The following UHRF1 variants were observed in gnomAD, a reference collection of about 807,000 sequenced individuals.
UHRF1 encodes ubiquitin like with PHD and ring finger domains 1, also known as E3 ubiquitin-protein ligase UHRF1.
UHRF1 carries 9 observed loss-of-function variants against 96.5 expected under a neutral mutation model. The observed-to-expected ratio is 0.09, with a 90% CI of 0.06 to 0.16. The LOEUF (loss-of-function observed/expected upper bound fraction) is 0.16. UHRF1 is among the 10% of genes least tolerant of loss of function. The pLI is 1.00. For missense variants in UHRF1, 626 were observed against 1,131.1 expected (o/e 0.55, Z 6.40); for synonymous variants, 455 against 469.9 (o/e 0.97, Z 0.41).
chr19:4,932,608 C>T (rs1002277798), intron 4 of UHRF1, 133 bp from the exon 5 acceptor site: 110 of 917,656 alleles, frequency 1.2e-4, no homozygotes, highest in South Asian at 2.6e-4. Context: ...GTGTTCTCAA[C>T]ACCAGCATAT....
At chr19:4,949,934 A>G (rs2033672364) in intron 11 of UHRF1, among the ~76,000 whole-genome samples, 1 of 151,210 alleles carries the variant, frequency 6.6e-6, no homozygotes, top group Non-Finnish European at 1.5e-5. Context: ...CAGCAGTGTG[A>G]TCGTAGCTCA....
At chr19:4,944,933 C>T (rs1411849788) in intron 9 of UHRF1, among the ~76,000 whole-genome samples, 3 of 152,180 alleles carry the variant, frequency 2.0e-5, no homozygotes, top group African/African-American at 4.8e-5. Context: ...ATCTCTGGCC[C>T]CCACCCACTC....
intron 2 of UHRF1, among the ~76,000 whole-genome samples, chr19:4,922,666 G>A (rs1194952871): frequency 2.0e-5 from 3 of 152,208 alleles, no homozygotes; most frequent in African/African-American, 4.8e-5. Flanking sequence ...TTCGCGCTTC[G>A]GGTTGTGCAA....
At chr19:4,927,196 A>G (rs958756883) in intron 2 of UHRF1, among the ~76,000 whole-genome samples, 1 of 152,144 alleles carries the variant, frequency 6.6e-6, no homozygotes, top group Non-Finnish European at 1.5e-5. Flanking sequence ...CCTGGCCAAC[A>G]TGGCGAGACC....
At chr19:4,903,137 C>G in exon 1 of UHRF1, 1 of 334,654 alleles carries the variant, frequency 3.0e-6, no homozygotes, top group East Asian at 6.3e-5. Context: ...AGCAATTCTC[C>G]TGCCTCAGCC....
intron 2 of UHRF1, among the ~76,000 whole-genome samples, chr19:4,926,286 G>A (rs1449136690): frequency 1.3e-5 from 2 of 152,182 alleles, no homozygotes; most frequent in Admixed American, 1.3e-4. Context: ...ACAGGTTGAC[G>A]TGCCTCTTCC....
At chr19:4,918,743 C>G (rs2032607778) in intron 2 of UHRF1, among the ~76,000 whole-genome samples, 2 of 117,986 alleles carry the variant, frequency 1.7e-5, no homozygotes, top group Admixed American at 9.7e-5. Context: ...TTTTTTTAGA[C>G]AGGCTCTTGC....
At chr19:4,914,469 G>C (rs139648292) in intron 2 of UHRF1, among the ~76,000 whole-genome samples, 53 of 152,204 alleles carry the variant, frequency 3.5e-4, no homozygotes, top group Non-Finnish European at 3.5e-4. Context: ...GGAGACCCCA[G>C]AGCAGAACAG....
rs553819013 is a variant in UHRF1, at chr19:4,941,940, G to T, written c.1073+9G>T. 7 of 1,488,584 alleles carry T rather than the reference G, an allele frequency of 4.7e-6. No homozygotes were observed. The South Asian group carries it at 9.7e-5, about 21-fold the overall frequency. 92.2% of individuals were successfully genotyped at this position (1,488,584 alleles called of 1,614,324 possible). A position where few individuals can be genotyped will look rare whatever the true frequency, so the allele number is the denominator to read the frequency against. On this transcript the variant is annotated intron_variant, in intron 7 of 16. Coordinates refer to ENST00000650932, the MANE Select transcript of UHRF1 (RefSeq NM_001048201.3). The stretch of plus-strand genomic sequence containing the variant: ...CCCAGCGAGGACGAGTGGTGAGTGC[G>T]GCCCTGCCCGCCGCGGGGAGACCAG...
intron 5 of UHRF1, among the ~76,000 whole-genome samples, chr19:4,940,469 C>G (rs923977023): frequency 1.4e-5 from 2 of 141,738 alleles, no homozygotes; most frequent in African/African-American, 5.2e-5. Context: ...CAGGTTCAAG[C>G]GATTCTCCTG....
intron 2 of UHRF1, among the ~76,000 whole-genome samples, chr19:4,928,948 C>T (rs952151713): frequency 1.3e-5 from 2 of 152,178 alleles, no homozygotes; most frequent in Non-Finnish European, 1.5e-5. Context: ...TGCGTGGTGC[C>T]CCGTGATGAT....
chr19:4,951,768 T>TG (rs1340518522), intron 13 of UHRF1, among the ~76,000 whole-genome samples: 5 of 144,454 alleles, frequency 3.5e-5, no homozygotes, highest in South Asian at 2.2e-4. Flanking sequence ...GACGGAAAAA[T>TG]GGGGAAGATG....
At chr19:4,945,232 C>G (rs2033527576) in intron 9 of UHRF1, among the ~76,000 whole-genome samples, 1 of 152,162 alleles carries the variant, frequency 6.6e-6, no homozygotes, top group South Asian at 2.1e-4. Context: ...GCTTTTATAT[C>G]ATAACCTCAT....
rs936766685 is a variant in UHRF1, at chr19:4,935,259, C to T, written c.785+2303C>T. Among the ~76,000 whole-genome samples, 3 of 152,262 alleles carry T rather than the reference C, an allele frequency of 2.0e-5. No homozygotes were observed. In the South Asian group the frequency reaches 6.2e-4, roughly 32 times the overall value. ...CTGGGATTACAGGCGTGAGCCACCG[C>T]ACCCAGCCTATCTGGTTTTATAAAG... On this transcript the variant is annotated intron_variant, in intron 5 of 16. Coordinates refer to ENST00000650932, the MANE Select transcript of UHRF1 (RefSeq NM_001048201.3).
At chr19:4,904,856 C>G (rs2032033031), upstream of UHRF1, among the ~76,000 whole-genome samples, 1 of 152,188 alleles carries the variant, frequency 6.6e-6, no homozygotes, top group Non-Finnish European at 1.5e-5. Flanking sequence ...ACAATTATTC[C>G]TGGCACCTGA....
intron 2 of UHRF1, among the ~76,000 whole-genome samples, chr19:4,926,874 C>G (rs1247593735): frequency 6.6e-6 from 1 of 151,994 alleles, no homozygotes; most frequent in Non-Finnish European, 1.5e-5. Flanking sequence ...ACCATTCTGG[C>G]TAACATGGTG....
intron 16 of UHRF1, among the ~76,000 whole-genome samples, chr19:4,959,510 C>T (rs528449188): frequency 4.6e-5 from 7 of 152,178 alleles, no homozygotes; most frequent in Admixed American, 3.3e-4. Flanking sequence ...TCCTCCCTGG[C>T]GTGCAGCCAG....
At chr19:4,943,344 C>A (rs1045230918) in intron 7 of UHRF1, among the ~76,000 whole-genome samples, 3 of 152,130 alleles carry the variant, frequency 2.0e-5, no homozygotes, top group Non-Finnish European at 4.4e-5. Context: ...TTCACAGCTT[C>A]TGTGAGAGGA....
At chr19:4,932,461 T>A (rs920153394) in intron 4 of UHRF1, among the ~76,000 whole-genome samples, 1 of 152,236 alleles carries the variant, frequency 6.6e-6, no homozygotes, top group Non-Finnish European at 1.5e-5. Context: ...CTGCAAAGGT[T>A]CTATCTACAA....
Sources: allele counts gnomAD v4.1 joint callset (sites outside exome capture counted in the v4.1 genomes callset), GRCh38; gene constraint gnomAD v4.1.1; transcripts MANE v1.5; gene names NCBI Gene and HGNC (gene_info 2026-07-23, HGNC 2026-07-21).